STK31: variants seen among roughly 807,000 people sequenced by gnomAD.
STK31 encodes serine/threonine-protein kinase 31.
STK31 carries 89 observed loss-of-function variants against 129.7 expected under a neutral mutation model. The observed-to-expected ratio is 0.69, with a 90% CI of 0.58 to 0.82. The LOEUF (loss-of-function observed/expected upper bound fraction) is 0.82, where lower values mean the gene tolerates loss of function less well. STK31 is among the 40% of genes least tolerant of loss of function. STK31 has a pLI of 0.00. For synonymous variants in STK31, 448 were observed against 395.3 expected (o/e 1.13, Z -1.58); for missense variants, 1,187 against 1,176.4 (o/e 1.01, Z -0.13).
intron 22 of STK31, among the ~76,000 whole-genome samples, chr7:23,795,116 G>C (rs2112036): frequency 0.98 from 149,252 of 152,308 alleles, 73,220 homozygotes; most frequent in East Asian, 1. Flanking sequence ...ATGTCAGAAA[G>C]CTTCGCAGCA....
At chr7:23,757,979 C>A (rs901086763) in intron 10 of STK31, among the ~76,000 whole-genome samples, 5 of 152,194 alleles carry the variant, frequency 3.3e-5, no homozygotes, top group African/African-American at 9.7e-5. Flanking sequence ...CAAAGCACAT[C>A]CTGCATAGCC....
At chr7:23,753,740 ATAAT>A (rs901588738) in intron 9 of STK31, among the ~76,000 whole-genome samples, 12 of 152,328 alleles carry the variant, frequency 7.9e-5, no homozygotes, top group Middle Eastern at 3.4e-3. Context: ...GTTTGGGTAA[ATAAT>A]TATCTTTGTT....
chr7:23,781,417 A>G lies in STK31; in HGVS notation c.1966-2A>G. 6 of 1,601,304 alleles carry G rather than the reference A, an allele frequency of 3.7e-6. No individual in the cohort carries two copies. Among genetic ancestry groups the G allele is most frequent in the Non-Finnish European group, 5.1e-6 (6 of 1,175,320 alleles). On this transcript the variant is annotated splice_acceptor_variant, in intron 15 of 23. Transcript: ENST00000355870. LOFTEE classifies it high-confidence loss of function. Reference sequence around the variant, plus strand: ...AAAAACACTTTTTCTTTCTGATTCAAGTCAGATGATCCTGATGGCTCTCAA... The same window carrying G: ...AAAAACACTTTTTCTTTCTGATTCAGGTCAGATGATCCTGATGGCTCTCAA...
At chr7:23,733,596 C>A (rs936421225) in intron 6 of STK31, among the ~76,000 whole-genome samples, 1 of 151,836 alleles carries the variant, frequency 6.6e-6, no homozygotes, top group African/African-American at 2.4e-5. Context: ...ATCACGAGGT[C>A]AGGAGATCGA....
intron 23 of STK31, among the ~76,000 whole-genome samples, chr7:23,826,202 A>G (rs1794140097): frequency 6.6e-6 from 1 of 152,166 alleles, no homozygotes; most frequent in Non-Finnish European, 1.5e-5. Flanking sequence ...GTGGGGTGTT[A>G]AAGTCTCCCA....
chr7:23,741,368 G>C (rs1344189649), intron 8 of STK31, among the ~76,000 whole-genome samples: 1 of 152,038 alleles, frequency 6.6e-6, no homozygotes, highest in East Asian at 1.9e-4. Flanking sequence ...TAATTGATAG[G>C]GTTAGGAAAT....
intron 8 of STK31, among the ~76,000 whole-genome samples, chr7:23,746,240 CTG>C (rs1788345585): frequency 6.6e-6 from 1 of 151,958 alleles, no homozygotes; most frequent in Admixed American, 6.6e-5. Context: ...GGGCAGCTCT[CTG>C]TGTCTCAGAG....
intron 13 of STK31, among the ~76,000 whole-genome samples, chr7:23,770,340 C>CT (rs926524794): frequency 3.3e-5 from 5 of 151,684 alleles, no homozygotes; most frequent in East Asian, 1.9e-4. Flanking sequence ...CTTGTTTTTT[C>CT]TTTTTTTTAC....
intron 9 of STK31, 87 bp from the exon 10 acceptor site, chr7:23,754,228 T>A (rs1364264162): frequency 1.6e-5 from 22 of 1,407,892 alleles, no homozygotes; most frequent in Non-Finnish European, 2.1e-5. Context: ...ACACTAACTT[T>A]TAGACCATTA....
intron 10 of STK31, 65 bp from the exon 11 acceptor site, chr7:23,762,736 A>G (rs542464183): frequency 1.9e-6 from 3 of 1,563,232 alleles, no homozygotes; most frequent in Non-Finnish European, 1.7e-6. Context: ...ACTTTTTTTC[A>G]TATAGGTCAT....
At chr7:23,728,072 C>CTTTTT (rs56355518) in intron 5 of STK31, among the ~76,000 whole-genome samples, 1 of 68,290 alleles carries the variant, frequency 1.5e-5, no homozygotes, top group Non-Finnish European at 2.7e-5. Context: ...TTGTGTTAAG[C>CTTTTT]TTTTTTTTTT....
intron 15 of STK31, among the ~76,000 whole-genome samples, chr7:23,775,620 G>A (rs1007678354): frequency 1.3e-5 from 2 of 151,976 alleles, no homozygotes; most frequent in African/African-American, 4.8e-5. Context: ...TCATGATTTG[G>A]CTCTCTGTTT....
chr7:23,761,520 G>A (rs6461731), intron 10 of STK31, among the ~76,000 whole-genome samples: 114,325 of 150,984 alleles, frequency 0.76, 43,552 homozygotes, highest in Middle Eastern at 0.9. Flanking sequence ...TTCCGGGTTC[G>A]TGCCATTCTG....
intron 22 of STK31, among the ~76,000 whole-genome samples, chr7:23,806,642 A>T (rs7811090): frequency 0.76 from 115,909 of 152,066 alleles, 44,788 homozygotes; most frequent in African/African-American, 0.88. Context: ...GGCTCACGCC[A>T]GTAATCCCAG....
At chr7:23,727,408 C>A in intron 5 of STK31, 93 bp downstream of exon 5, 2 of 1,002,234 alleles carry the variant, frequency 2.0e-6, no homozygotes, top group South Asian at 1.4e-5. Context: ...ATTGCTTATT[C>A]GTAGTACTGA....
chr7:23,717,008 G>C (rs545432339), intron 3 of STK31, among the ~76,000 whole-genome samples: 1 of 145,746 alleles, frequency 6.9e-6, no homozygotes, highest in Admixed American at 7.0e-5. Flanking sequence ...ACATTGCCAA[G>C]CTAGTCTCAA....
chr7:23,714,469 G>A (rs1370413015), intron 3 of STK31, among the ~76,000 whole-genome samples: 1 of 152,056 alleles, frequency 6.6e-6, no homozygotes, highest in Non-Finnish European at 1.5e-5. Context: ...AAACATTTTT[G>A]GCAGCCACAT....
intron 23 of STK31, among the ~76,000 whole-genome samples, chr7:23,829,972 C>T (rs1794440547): frequency 6.6e-6 from 1 of 152,084 alleles, no homozygotes; most frequent in South Asian, 2.1e-4. Flanking sequence ...TGTTTTGAGA[C>T]AGAGTCTCCC....
rs183068613 is a variant in STK31, at chr7:23,783,683, C to A, written c.2148+20C>A. 11 of 1,565,736 alleles carry A rather than the reference C, an allele frequency of 7.0e-6. No homozygotes were observed. In the East Asian group the frequency reaches 2.3e-4, roughly 32 times the overall value. ...TACATGGTAAACTTTGTTTCCCTTGCGAATTACTACTCTTCAGAGGGTGTT... is the reference window on the plus strand; with the variant it reads ...TACATGGTAAACTTTGTTTCCCTTGAGAATTACTACTCTTCAGAGGGTGTT... On this transcript the variant is annotated intron_variant, in intron 17 of 23. Coordinates refer to ENST00000355870, the MANE Select transcript of STK31 (RefSeq NM_031414.5).
Sources: gnomAD v4.1 joint callset for allele counts (sites outside exome capture counted in the v4.1 genomes callset) on GRCh38, gnomAD v4.1.1 for gene constraint, MANE v1.5 for transcripts, NCBI Gene and HGNC (gene_info 2026-07-23, HGNC 2026-07-21) for gene names.